Variants in WDR82 observed in about 807,000 individuals in gnomAD.
WDR82 encodes WD repeat-containing protein 82.
A neutral mutation model predicts 36.1 loss-of-function variants in WDR82; 8 were observed. The ratio of observed to expected loss-of-function variants is 0.22; its 90% CI spans 0.13 to 0.40. The LOEUF is 0.40. WDR82 is among the 10% of genes least tolerant of loss of function. The pLI is 1.00. For missense variants in WDR82, 185 were observed against 400.5 expected, an observed-to-expected ratio of 0.46 and a Z score of 4.59; for synonymous variants, 129 against 137.8, an observed-to-expected ratio of 0.94 and a Z score of 0.45.
intron 1 of WDR82, among the ~76,000 whole-genome samples, chr3:52,275,018 T>A (rs1700190637): frequency 6.6e-6 from 1 of 152,060 alleles, no homozygotes; most frequent in African/African-American, 2.4e-5. Context: ...GGTCGGGAAT[T>A]CGAGACCAGC....
At chr3:52,257,926 A>AT (rs1272047256) in intron 8 of WDR82, among the ~76,000 whole-genome samples, 1 of 150,042 alleles carries the variant, frequency 6.7e-6, no homozygotes, top group Admixed American at 6.7e-5. Context: ...TTTTTCTAAC[A>AT]TTTTTTTCTT....
chr3:52,263,577 CAG>C (rs1700079549), intron 3 of WDR82, among the ~76,000 whole-genome samples: 1 of 152,198 alleles, frequency 6.6e-6, no homozygotes, highest in Non-Finnish European at 1.5e-5. Flanking sequence ...ATTTACCTCA[CAG>C]GGCATGAGCC....
At chr3:52,264,794 G>C (rs913685472) in intron 3 of WDR82, among the ~76,000 whole-genome samples, 13 of 151,990 alleles carry the variant, frequency 8.6e-5, no homozygotes, top group African/African-American at 2.9e-4. Context: ...ATGTTTAAAA[G>C]AACTCTTTTT....
rs769648854 is a variant in WDR82 at position 52,259,774 on chromosome 3, G to A, written c.642C>T (p.Asn214=). The A allele has an allele frequency of 3.7e-5, 60 of 1,614,012 alleles. 1 individual carries two copies. The Middle Eastern group carries it at 3.6e-3, about 97-fold the overall frequency. Residue 214 remains asparagine, a synonymous_variant, in exon 6 of 9, where the codon AAC becomes AAT. Coordinates refer to ENST00000296490, the MANE Select transcript of WDR82 (RefSeq NM_025222.4). ...NDGKLILIST[N]GSFIRLIDAF... Reference sequence around the variant, plus strand: ...CATCAATCAGACGAATGAAGCTGCCGTTGGTGGAAATGAGGATGAGCTTGC... The same window carrying A: ...CATCAATCAGACGAATGAAGCTGCCATTGGTGGAAATGAGGATGAGCTTGC...
intron 2 of WDR82, among the ~76,000 whole-genome samples, chr3:52,269,305 A>T (rs1242447382): frequency 3.9e-5 from 6 of 151,976 alleles, no homozygotes; most frequent in African/African-American, 1.4e-4. Flanking sequence ...TGAAGTCCCA[A>T]CTCTACTAAA....
intron 1 of WDR82, among the ~76,000 whole-genome samples, chr3:52,274,354 G>A (rs1456084656): frequency 6.6e-6 from 1 of 151,796 alleles, no homozygotes; most frequent in Non-Finnish European, 1.5e-5. Flanking sequence ...GATCGCTTGA[G>A]TTCAGGAGTT....
Position 52,254,890 on chromosome 3 carries a change from G to C in WDR82, c.*2600C>G, listed in dbSNP as rs1336626965. The C allele has an allele frequency of 6.6e-6, 1 of 152,034 alleles. No individual in the cohort carries two copies. The highest frequency in any genetic ancestry group is 2.4e-5 in the African/African-American group (1 of 41,344). The allele number at this position is 152,034 out of a possible 1,614,324, so 9.4% of individuals were successfully genotyped here. Reference sequence around the variant, plus strand: ...TCTTTTCCCTTTCCTTCTTAATTCAGGAGGCAGCTTTGCAACCACAGGGCC... The same window carrying C: ...TCTTTTCCCTTTCCTTCTTAATTCACGAGGCAGCTTTGCAACCACAGGGCC... On this transcript the variant is annotated 3_prime_UTR_variant, in exon 9 of 9. Transcript: ENST00000296490.
At position 52,270,680 on chromosome 3, in the gene WDR82, A is replaced by C. The variant is rs182912321; in HGVS notation, c.259+32T>G. 1.5e-4 allele frequency: 228 copies of C among 1,543,070 alleles called. No homozygotes were observed. In the African/African-American group the frequency reaches 2.4e-3, roughly 16 times the overall value. ...CATGAACTATTTAACAAAGGAAACC[A>C]TGACCTTAACTTCCTAAAAAGGCTT... On this transcript the variant is annotated intron_variant, in intron 2 of 8. Transcript: ENST00000296490.
chr3:52,277,673 T>G (rs1258127263), intron 1 of WDR82, among the ~76,000 whole-genome samples: 10 of 152,150 alleles, frequency 6.6e-5, no homozygotes, highest in Non-Finnish European at 1.5e-4. Context: ...AGCTAAGAAG[T>G]GCAACCCACG....
chr3:52,268,811 G>A (rs1037841934), intron 2 of WDR82, among the ~76,000 whole-genome samples: 2 of 151,944 alleles, frequency 1.3e-5, no homozygotes, highest in Non-Finnish European at 2.9e-5. Context: ...CTATCCTTGT[G>A]GAATGACATT....
Position 52,277,871 on chromosome 3 carries a change from T to G in WDR82, c.161+330A>C, listed in dbSNP as rs569211294. The stretch of plus-strand genomic sequence containing the variant: ...CAGCACCTTTGACAGCCTGAGGAGC[T>G]GAAAACGCTACCTGGTGGGCCCAGG... On this transcript the variant is annotated intron_variant, in intron 1 of 8. Coordinates refer to ENST00000296490, the MANE Select transcript of WDR82 (RefSeq NM_025222.4). 2.2e-4 allele frequency among the ~76,000 whole-genome samples: 33 copies of G among 152,292 alleles called. No homozygotes were observed. In the South Asian group the frequency reaches 6.4e-3, roughly 30 times the overall value.
chr3:52,258,641 C>G lies in WDR82; in HGVS notation c.807G>C (p.Glu269Asp), dbSNP rs779059418. The G allele has an allele frequency of 5.0e-6, 8 of 1,614,116 alleles. No homozygotes were observed. The highest frequency in any genetic ancestry group is 1.3e-5 in the African/African-American group (1 of 74,936). The stretch of plus-strand genomic sequence containing the variant: ...CCAACACAGCTACTTTTATACCGCT[C>G]TCTCCATTCCAGACATGGATCTTGC... ...EDGKIHVWNG[E>D]SGIKVAVLDG... Residue 269 changes from glutamate to aspartate, a missense_variant, in exon 8 of 9, where the codon GAG becomes GAC. This residue lies in a region of WDR82 where 110 missense variants were observed against 212.6 expected (regional missense o/e 0.52). Transcript: ENST00000296490.
chr3:52,263,261 C>G (rs982048193), intron 3 of WDR82, among the ~76,000 whole-genome samples: 9 of 152,220 alleles, frequency 5.9e-5, no homozygotes, highest in African/African-American at 1.9e-4. Context: ...AGACCCCGAC[C>G]GTAAGGAATT....
At chr3:52,267,940 G>C (rs1700120439) in intron 2 of WDR82, 1 of 159,268 alleles carries the variant, frequency 6.3e-6, no homozygotes, top group Non-Finnish European at 1.4e-5. Context: ...AGAACATTCT[G>C]AAGGCAAACA....
intron 3 of WDR82, among the ~76,000 whole-genome samples, chr3:52,263,122 C>A (rs548229528): frequency 6.6e-6 from 1 of 152,124 alleles, no homozygotes; most frequent in African/African-American, 2.4e-5. Context: ...AGCAAGGCAC[C>A]GTCTCAAAAA....
rs765192396 is a variant in WDR82 at position 52,266,940 on chromosome 3, C to T, written c.326+12G>A. On this transcript the variant is annotated intron_variant, in intron 3 of 8. Transcript: ENST00000296490. ...AAAAGAACTATCTGCTTCTATAATA[C>T]GTGGGTCTTACCTTTTGCTATGTCC... The T allele has an allele frequency of 6.1e-5, 98 of 1,604,344 alleles. No homozygotes were observed. Among genetic ancestry groups the T allele is most frequent in the Admixed American group, 1.0e-4 (6 of 59,768 alleles).
rs1700229345 is a variant in WDR82 at position 52,278,568 on chromosome 3, G to A, written c.-207C>T. On this transcript the variant is annotated 5_prime_UTR_variant, in exon 1 of 9. In the 5' UTR this introduces an upstream ATG that the reference lacks. Coordinates refer to ENST00000296490, the MANE Select transcript of WDR82 (RefSeq NM_025222.4). ...GACTGTGGAGCCTCGCCGACCGTTC[G>A]TCCTCACAGCCACCTCACGGACAAC... 4.7e-6 allele frequency: 2 copies of A among 425,820 alleles called. No individual in the cohort carries two copies. Among genetic ancestry groups the A allele is most frequent in the Non-Finnish European group, 8.0e-6 (2 of 251,448 alleles). The allele number at this position is 425,820 out of a possible 1,614,324, so 26.4% of individuals were successfully genotyped here.
chr3:52,269,611 T>C (rs1242061071), intron 2 of WDR82, among the ~76,000 whole-genome samples: 1 of 152,058 alleles, frequency 6.6e-6, no homozygotes, highest in Non-Finnish European at 1.5e-5. Context: ...GCACCTGTAG[T>C]CCCAGCTACC....
intron 1 of WDR82, among the ~76,000 whole-genome samples, chr3:52,275,391 C>T (rs1406120414): frequency 1.3e-5 from 2 of 152,162 alleles, no homozygotes; most frequent in Non-Finnish European, 2.9e-5. Context: ...TGACCAATGT[C>T]ACATACCTAG....
Sources: gnomAD v4.1 joint callset for allele counts (sites outside exome capture counted in the v4.1 genomes callset) on GRCh38, gnomAD v4.1.1 for gene constraint, gnomAD v4.1.1 regional missense constraint, MANE v1.5 for transcripts, NCBI Gene and HGNC (gene_info 2026-07-23, HGNC 2026-07-21) for gene names.